Variants in INTS11 observed in about 807,000 individuals in gnomAD.
INTS11 encodes the protein integrator complex subunit 11.
Under a neutral mutation model 78.6 loss-of-function variants are expected in INTS11, and 77 were observed. The ratio of observed to expected loss-of-function variants is 0.98; its 90% confidence interval spans 0.81 to 1.18. The LOEUF (loss-of-function observed/expected upper bound fraction) is 1.18, where lower values mean the gene tolerates loss of function less well. Ranked by LOEUF, INTS11 falls within the 50% of genes most tolerant of loss-of-function variation. INTS11 has a pLI of 0.00. For missense variants in INTS11, 875 were observed against 825.9 expected, an observed-to-expected ratio of 1.06 and a Z score of -0.73; for synonymous variants, 441 against 326.9, an observed-to-expected ratio of 1.35 and a Z score of -3.77.
chr1:1,321,810 C>G, intron 1 of INTS11: 1 of 925,514 alleles, frequency 1.1e-6, no homozygotes, highest in East Asian at 3.3e-5. Flanking sequence ...CTCATGTGGC[C>G]TGGGGGCCCG....
At chr1:1,323,203 C>A in intron 1 of INTS11, 1 of 1,550,298 alleles carries the variant, frequency 6.5e-7, no homozygotes, top group African/African-American at 1.4e-5. Context: ...GACATGGAAT[C>A]CCGTCCTGGT....
intron 4 of INTS11, chr1:1,317,235 AAAT>A (rs1642668625): frequency 6.6e-6 from 1 of 152,054 alleles, no homozygotes. Flanking sequence ...TACTAAAAAA[AAAT>A]ACAAAATTAA....
At chr1:1,322,985 G>A in intron 1 of INTS11, 1 of 1,383,550 alleles carries the variant, frequency 7.2e-7, no homozygotes, top group Non-Finnish European at 9.4e-7. Flanking sequence ...TCCAGAGAGT[G>A]GGCAGAACAG....
Position 1,314,122 on chromosome 1 carries a change from C to G in INTS11, c.767+179G>C. ...CAGGAACCCCTACAAGAGCCGCACACGGTGGCGCTGACGGGATGTCACAGG... is the reference window on the plus strand; with the variant it reads ...CAGGAACCCCTACAAGAGCCGCACAGGGTGGCGCTGACGGGATGTCACAGG... On this transcript the variant is annotated intron_variant, in intron 8 of 16. Coordinates refer to ENST00000435064, the MANE Select transcript of INTS11 (RefSeq NM_017871.6). The surrounding 1 kb of genome is among the most constrained non-coding windows in gnomAD (Gnocchi z 4.2). 1 of 767,744 alleles carries G rather than the reference C, an allele frequency of 1.3e-6. No homozygotes were observed. Among genetic ancestry groups the G allele is most frequent in the Non-Finnish European group, 2.2e-6 (1 of 459,428 alleles). 47.6% of individuals were successfully genotyped at this position (767,744 alleles called of 1,614,324 possible).
chr1:1,312,532 TGAGGGCCGCTCCCAGCC>T, intron 13 of INTS11, 31 bp from the exon 14 acceptor site: 1 of 1,582,288 alleles, frequency 6.3e-7, no homozygotes, highest in Non-Finnish European at 8.6e-7. Flanking sequence ...GCCATCAATG[TGAGGGCCGCTCCCAGCC>T]GCCTGCCCCG....
chr1:1,312,213 G>GCCGGGCGCCCCCCCC lies in INTS11; in HGVS notation c.1607+12_1607+13insGGGGGGGGCGCCCGG. Reference sequence around the variant, plus strand: ...CCCAAGGGAGTGGGGGGGGGGCGGGGCCGGGCGCCCACCTCTTGAGGTGGC... The same window carrying GCCGGGCGCCCCCCCC: ...CCCAAGGGAGTGGGGGGGGGGCGGGGCCGGGCGCCCCCCCCCCGGGCGCCCACCTCTTGAGGTGGC... On this transcript the variant is annotated intron_variant, in intron 15 of 16. Coordinates refer to ENST00000435064, the MANE Select transcript of INTS11 (RefSeq NM_017871.6). 2 of 934,608 alleles carry GCCGGGCGCCCCCCCC rather than the reference G, an allele frequency of 2.1e-6. No homozygotes were observed. Among genetic ancestry groups the GCCGGGCGCCCCCCCC allele is most frequent in the Admixed American group, 2.4e-5 (1 of 41,576 alleles). 57.9% of individuals were successfully genotyped at this position (934,608 alleles called of 1,614,324 possible). A position where few individuals can be genotyped will look rare whatever the true frequency, so the allele number is the denominator to read the frequency against.
chr1:1,313,851 T>G lies in INTS11; in HGVS notation c.838A>C (p.Lys280Gln). 6.2e-7 allele frequency: 1 copy of G among 1,613,294 alleles called. No individual in the cohort carries two copies. The highest frequency in any genetic ancestry group is 1.1e-5 in the South Asian group (1 of 91,082). ...GLTEKANHYY[K>Q]LFIPWTNQKI... is the part of the protein sequence containing the mutation. ...TGGTTGGTCCAGGGGATGAACAGCTTGTAGTAGTGGTTGGCCTTCTCGGTC... is the reference window on the plus strand; with the variant it reads ...TGGTTGGTCCAGGGGATGAACAGCTGGTAGTAGTGGTTGGCCTTCTCGGTC... The change falls in exon 9 of 17, where the codon AAG becomes CAG. Residue 280 changes from lysine to glutamine, a missense_variant. Transcript: ENST00000435064.
At chr1:1,323,313 G>C in intron 1 of INTS11, 1 of 1,536,694 alleles carries the variant, frequency 6.5e-7, no homozygotes, top group Non-Finnish European at 8.8e-7. Flanking sequence ...AGGACATCAG[G>C]ATGACTGGCC....
At chr1:1,321,793 C>CA (rs1245171458) in intron 1 of INTS11, 1 of 728,266 alleles carries the variant, frequency 1.4e-6, no homozygotes, top group Non-Finnish European at 2.0e-6. Context: ...AAGGCACACT[C>CA]AGCCCCCTCA....
In INTS11 at chr1:1,312,800, G is replaced by A. The variant is rs112636962; in HGVS notation, c.1281C>T (p.Ile427=). 354 of 1,608,732 alleles carry A rather than the reference G, an allele frequency of 2.2e-4. 1 individual carries two copies. In the African/African-American group the frequency reaches 3.8e-3, roughly 17 times the overall value. The change falls in exon 12 of 17, where the codon ATC becomes ATT. Residue 427 remains isoleucine (I), a synonymous_variant. Transcript: ENST00000435064. The stretch of plus-strand genomic sequence containing the variant: ...CCGGCTGCCTACGGAGCTCCTGCTC[G>A]ATCTTCTGCTTCAGGAACTCCATCT... ...AKKMEFLKQK[I]EQELRVNCYM...
At position 1,314,805 on chromosome 1, in the gene INTS11, C is replaced by T. The variant is rs1642476727; in HGVS notation, c.702+19G>A. 6.2e-7 allele frequency: 1 copy of T among 1,605,008 alleles called. No homozygotes were observed. On this transcript the variant is annotated intron_variant, in intron 7 of 16. Transcript: ENST00000435064. The surrounding 1 kb of genome is among the most constrained non-coding windows in gnomAD (Gnocchi z 4.2). The stretch of plus-strand genomic sequence containing the variant: ...CCAGCATGGCCGAGGGCCCATGTCC[C>T]CACCCCTGCTGCAGCTACCTTCCCA...
chr1:1,313,147 CAG>C (rs1642342584), intron 10 of INTS11, 23 bp from the exon 11 acceptor site: 1 of 1,596,364 alleles, frequency 6.3e-7, no homozygotes, highest in South Asian at 1.1e-5. Context: ...ACAGAGCTCA[CAG>C]CCAGGGAACT....
rs897886481 is a variant in INTS11, at chr1:1,319,372, G to A, written c.353C>T (p.Ala118Val). The change falls in exon 4 of 17, where the codon GCC (alanine) becomes GTC (valine). Residue 118 changes from alanine (A) to valine (V), a missense_variant. Physicochemically the swap from Ala to Val is moderately conservative, Grantham distance 64. Coordinates refer to ENST00000435064, the MANE Select transcript of INTS11 (RefSeq NM_017871.6). Reference protein sequence around the residue: ...RKIAVDKKGEANFFTSQMIKD... With the variant: ...RKIAVDKKGEVNFFTSQMIKD... ...GATCATCTGGGAGGTGAAGAAGTTG[G>A]CCTCGCCCTTCTTGTCTACGGCGAT... 3.1e-6 allele frequency: 5 copies of A among 1,613,408 alleles called. 1 individual carries two copies. The South Asian group carries it at 5.5e-5, about 18-fold the overall frequency.
intron 4 of INTS11, chr1:1,318,954 C>T (rs968724351): frequency 2.8e-5 from 20 of 717,316 alleles, no homozygotes; most frequent in East Asian, 8.0e-5. Flanking sequence ...GGCAACACCC[C>T]GGGAGCTCCA....
At chr1:1,318,159 C>T (rs1252098552) in intron 4 of INTS11, among the ~76,000 whole-genome samples, 5 of 152,206 alleles carry the variant, frequency 3.3e-5, no homozygotes, top group East Asian at 1.9e-4. Flanking sequence ...CGTGAGCCAC[C>T]GCGCCTGGCC....
chr1:1,315,992 C>A (rs1313363843), intron 4 of INTS11, among the ~76,000 whole-genome samples: 1 of 152,172 alleles, frequency 6.6e-6, no homozygotes, highest in Non-Finnish European at 1.5e-5. Flanking sequence ...GAGTTTCCAG[C>A]GTGGACTTTG....
intron 1 of INTS11, 131 bp from the exon 2 acceptor site, chr1:1,321,224 A>G (rs1474340010): frequency 1.1e-5 from 7 of 660,548 alleles, no homozygotes; most frequent in Non-Finnish European, 1.6e-5. Context: ...ACATGGGCCA[A>G]GAAGCAGGGC....
rs1299658827 is a variant in INTS11 at position 1,312,393 on chromosome 1, A to G, written c.1465-25T>C. The G allele has an allele frequency of 1.9e-6, 3 of 1,564,326 alleles. No individual in the cohort carries two copies. In the African/African-American group the frequency reaches 4.1e-5, roughly 21 times the overall value. Reference sequence around the variant, plus strand: ...TCTGTGGGGCAGGGACAGGTCAGTGAGCGCAGCAGCGGCCCTCCCCCCTCC... The same window carrying G: ...TCTGTGGGGCAGGGACAGGTCAGTGGGCGCAGCAGCGGCCCTCCCCCCTCC... On this transcript the variant is annotated intron_variant, in intron 14 of 16. Coordinates refer to ENST00000435064, the MANE Select transcript of INTS11 (RefSeq NM_017871.6).
intron 16 of INTS11, 29 bp from the exon 17 acceptor site, chr1:1,311,953 G>A (rs370279028): frequency 1.3e-6 from 2 of 1,585,032 alleles, no homozygotes; most frequent in Non-Finnish European, 8.6e-7. Flanking sequence ...CATTGTGGGT[G>A]GTGCAGGACA....
Sources: allele counts gnomAD v4.1 joint callset (sites outside exome capture counted in the v4.1 genomes callset), GRCh38; gene constraint gnomAD v4.1.1; non-coding constraint Gnocchi (gnomAD v3.1); transcripts MANE v1.5; gene names NCBI Gene and HGNC (gene_info 2026-07-23, HGNC 2026-07-21).